Variants in ZBBX observed in about 807,000 individuals in gnomAD.
ZBBX encodes the protein zinc finger B-box domain-containing protein 1.
Under a neutral mutation model 108.5 loss-of-function variants are expected in ZBBX, and 101 were observed. The ratio of observed to expected loss-of-function variants is 0.93; its 90% CI spans 0.79 to 1.10. The LOEUF (loss-of-function observed/expected upper bound fraction) is 1.10. ZBBX is among the 50% of genes least tolerant of loss of function. The probability of loss-of-function intolerance (pLI) is 0.00; values close to 1 mark genes in which losing one functional copy is unlikely to be tolerated. For synonymous variants in ZBBX, 356 were observed against 323.4 expected (o/e 1.10, Z -1.08); for missense variants, 1,009 against 941.4 (o/e 1.07, Z -0.94).
the ZBBX span, among the ~76,000 whole-genome samples, chr3:167,207,963 G>A: frequency 0.021 from 3,257 of 152,202 alleles, 50 homozygotes; most frequent in Non-Finnish European, 0.033. Flanking sequence ...CTCTACCATC[G>A]TCAAAAGTGG....
At position 167,368,567 on chromosome 3, in the gene ZBBX, G is replaced by A. The variant is rs762117703; in HGVS notation, c.76C>T (p.Gln26Ter). 1.7e-5 allele frequency: 27 copies of A among 1,605,408 alleles called. No homozygotes were observed. The South Asian group carries it at 2.8e-4, about 17-fold the overall frequency. ...NSVKLKYRNA[Q>*]ELRMEKVQLE... ...TGTACTTTCTCCATTCGCAGTTCTT[G>A]AGCATTTCTGAAGACATAAGATTTA... The change falls in exon 5 of 22, where the codon CAA becomes TAA. Residue 26 changes from glutamine (Q) to a stop codon, truncating the protein, a stop_gained. Coordinates refer to ENST00000675490, the MANE Select transcript of ZBBX (RefSeq NM_001199201.2). LOFTEE classifies it high-confidence loss of function.
chr3:167,234,323 T>C, the ZBBX span, among the ~76,000 whole-genome samples: 3 of 151,896 alleles, frequency 2.0e-5, no homozygotes, highest in African/African-American at 7.2e-5. Flanking sequence ...ATAAATATAT[T>C]GTATCATACC....
chr3:167,181,308 T>C, the ZBBX span, among the ~76,000 whole-genome samples: 2 of 152,166 alleles, frequency 1.3e-5, no homozygotes, highest in Non-Finnish European at 2.9e-5. Flanking sequence ...ATTGTTGTAA[T>C]AAATCTCTCC....
intron 1 of ZBBX, among the ~76,000 whole-genome samples, chr3:167,387,622 G>C (rs1023345607): frequency 1.3e-5 from 2 of 151,928 alleles, no homozygotes; most frequent in Non-Finnish European, 2.9e-5. Flanking sequence ...AACATACAAG[G>C]GACTCAAGAG....
chr3:167,246,127 A>G (rs1308714856), intron 20 of ZBBX, among the ~76,000 whole-genome samples: 1 of 152,210 alleles, frequency 6.6e-6, no homozygotes, highest in Non-Finnish European at 1.5e-5. Context: ...ATAGCTGGTA[A>G]GATCAAATGG....
chr3:167,355,586 A>G (rs1485641704), intron 8 of ZBBX, among the ~76,000 whole-genome samples: 1 of 151,556 alleles, frequency 6.6e-6, no homozygotes, highest in Non-Finnish European at 1.5e-5. Flanking sequence ...ATATATATTC[A>G]TATATACACA....
chr3:167,300,335 C>A lies in ZBBX; in HGVS notation c.1726-1877G>T, dbSNP rs1356883026. Among the ~76,000 whole-genome samples the A allele has an allele frequency of 2.0e-5, 3 of 151,966 alleles. No individual in the cohort carries two copies. In the East Asian group the frequency reaches 5.8e-4, roughly 29 times the overall value. On this transcript the variant is annotated intron_variant, in intron 17 of 21. Transcript: ENST00000675490. ...AACACTATTTTATTACTGTCCAGGA[C>A]TACCTTTAGTCTCACCTAATTGAAA...
At chr3:167,304,039 T>C (rs988863569) in intron 17 of ZBBX, among the ~76,000 whole-genome samples, 2 of 152,228 alleles carry the variant, frequency 1.3e-5, no homozygotes, top group African/African-American at 4.8e-5. Context: ...TGAATAAATA[T>C]ATTTCGAATG....
At chr3:167,258,850 G>T (rs1328995579) in intron 20 of ZBBX, among the ~76,000 whole-genome samples, 1 of 152,114 alleles carries the variant, frequency 6.6e-6, no homozygotes, top group Non-Finnish European at 1.5e-5. Flanking sequence ...TTATCTTTTT[G>T]ATATATTGTT....
At chr3:167,289,403 ACATCTCATTGGGACTGGTT>A (rs1730259453) in intron 18 of ZBBX, among the ~76,000 whole-genome samples, 1 of 152,220 alleles carries the variant, frequency 6.6e-6, no homozygotes, top group South Asian at 2.1e-4. Flanking sequence ...CAACTGAGGT[ACATCTCATTGGGACTGGTT>A]CATCTCATTG....
chr3:167,271,905 G>A (rs1250960354), intron 20 of ZBBX, among the ~76,000 whole-genome samples: 1 of 152,122 alleles, frequency 6.6e-6, no homozygotes, highest in African/African-American at 2.4e-5. Flanking sequence ...AGCACTAATT[G>A]AAAATACAGT....
intron 9 of ZBBX, among the ~76,000 whole-genome samples, chr3:167,348,084 C>G (rs917855663): frequency 2.6e-5 from 4 of 151,494 alleles, no homozygotes; most frequent in Non-Finnish European, 5.9e-5. Flanking sequence ...TGTGGCTTAC[C>G]AACCTTCCCT....
At chr3:167,406,827 T>C (rs1328277277) in intron 1 of ZBBX, among the ~76,000 whole-genome samples, 1 of 152,186 alleles carries the variant, frequency 6.6e-6, no homozygotes, top group East Asian at 1.9e-4. Flanking sequence ...ATCCTAATTC[T>C]ATTCTTGAAA....
intron 1 of ZBBX, among the ~76,000 whole-genome samples, chr3:167,392,172 G>A (rs1459292779): frequency 6.6e-6 from 1 of 151,760 alleles, no homozygotes; most frequent in Non-Finnish European, 1.5e-5. Context: ...TCCCATGTAA[G>A]TCTTCTTTAA....
chr3:167,359,836 C>T (rs751345276), intron 8 of ZBBX, 34 bp downstream of exon 8: 9 of 1,010,280 alleles, frequency 8.9e-6, no homozygotes, highest in Non-Finnish European at 1.1e-5. Context: ...ACCTACTATA[C>T]AGTATATGTA....
At chr3:167,224,504 C>A in the ZBBX span, among the ~76,000 whole-genome samples, 8 of 151,804 alleles carry the variant, frequency 5.3e-5, no homozygotes, top group South Asian at 2.1e-4. Context: ...AGGTAATAAA[C>A]AGGTTAATTA....
intron 1 of ZBBX, among the ~76,000 whole-genome samples, chr3:167,400,851 G>A (rs985026296): frequency 1.3e-5 from 2 of 152,060 alleles, no homozygotes; most frequent in African/African-American, 4.8e-5. Flanking sequence ...GAGACAAATG[G>A]TTGCATTTTT....
At chr3:167,360,947 T>C (rs909670630) in intron 6 of ZBBX, among the ~76,000 whole-genome samples, 6 of 152,030 alleles carry the variant, frequency 3.9e-5, no homozygotes, top group Non-Finnish European at 7.4e-5. Context: ...TAAAAATATA[T>C]CTAAACCAGT....
At position 167,365,826 on chromosome 3, in the gene ZBBX, C is replaced by T. The variant is rs1745232519; in HGVS notation, c.273+60G>A. 16 of 1,268,078 alleles carry T rather than the reference C, an allele frequency of 1.3e-5. No individual in the cohort carries two copies. The Middle Eastern group carries it at 5.9e-4, about 47-fold the overall frequency. 78.6% of individuals were successfully genotyped at this position (1,268,078 alleles called of 1,614,324 possible). On this transcript the variant is annotated intron_variant, in intron 6 of 21. Transcript: ENST00000675490. ...CTGAGTATAGAAGAAAATGCAAGACCTAAAAAAGAATATCTTCTTGCTTAG... is the reference window on the plus strand; with the variant it reads ...CTGAGTATAGAAGAAAATGCAAGACTTAAAAAAGAATATCTTCTTGCTTAG...
Sources: allele counts gnomAD v4.1 joint callset (sites outside exome capture counted in the v4.1 genomes callset), GRCh38; gene constraint gnomAD v4.1.1; transcripts MANE v1.5; gene names NCBI Gene and HGNC (gene_info 2026-07-23, HGNC 2026-07-21).